PLXNA4: variants seen among roughly 807,000 people sequenced by gnomAD.
The protein encoded by PLXNA4 is plexin A4, also known as plexin-A4.
In PLXNA4, 44 loss-of-function variants were observed where a neutral mutation model predicts 191.8. The ratio of observed to expected loss-of-function variants is 0.23; its 90% CI spans 0.18 to 0.29. The LOEUF is 0.29. PLXNA4 is among the 10% of genes least tolerant of loss of function. PLXNA4 has a pLI of 1.00. For missense variants in PLXNA4, 1,800 were observed against 2,488.8 expected, an observed-to-expected ratio of 0.72 and a Z score of 5.89; for synonymous variants, 1,082 against 1,009.5, an observed-to-expected ratio of 1.07 and a Z score of -1.36.
At chr7:132,393,795 T>C (rs890237775) in intron 3 of PLXNA4, among the ~76,000 whole-genome samples, 25 of 152,124 alleles carry the variant, frequency 1.6e-4, no homozygotes, top group Non-Finnish European at 7.4e-5. Context: ...TCAGCCTGGA[T>C]GAAACTAGCA....
At chr7:132,247,318 G>A (rs1287453605) in intron 4 of PLXNA4, among the ~76,000 whole-genome samples, 1 of 152,124 alleles carries the variant, frequency 6.6e-6, no homozygotes, top group Non-Finnish European at 1.5e-5. Flanking sequence ...CTAATGCAAC[G>A]ATGGCTACAC....
chr7:132,159,884 G>C (rs555150037), intron 24 of PLXNA4, among the ~76,000 whole-genome samples: 18 of 152,330 alleles, frequency 1.2e-4, no homozygotes, highest in African/African-American at 3.8e-4. Context: ...CTCCCTGTCA[G>C]AACAAACTTC....
intron 3 of PLXNA4, among the ~76,000 whole-genome samples, chr7:132,311,202 G>GTGTGTGC (rs1554411105): frequency 6.6e-6 from 1 of 151,068 alleles, no homozygotes; most frequent in African/African-American, 2.4e-5. Flanking sequence ...GTGCGCGTGT[G>GTGTGTGC]GCCTAAAGGA....
chr7:132,571,328 G>C (rs757957491), intron 1 of PLXNA4, among the ~76,000 whole-genome samples: 1 of 152,098 alleles, frequency 6.6e-6, no homozygotes, highest in Non-Finnish European at 1.5e-5. Context: ...ATGCAAATGG[G>C]GACCTATCAA....
In PLXNA4 at chr7:132,408,685, C is replaced by T. The variant is rs988610663; in HGVS notation, c.1371+80607G>A. Among the ~76,000 whole-genome samples, 4 of 152,162 alleles carry T rather than the reference C, an allele frequency of 2.6e-5. No homozygotes were observed. The East Asian group carries it at 7.7e-4, about 29-fold the overall frequency. ...TTCGCCATGCTGGCCAGGCTGGTCT[C>T]GAACTCCTGACCTCAAGTGATCCAC... is the stretch of plus-strand genomic sequence containing the variant. On this transcript the variant is annotated intron_variant, in intron 3 of 31. Transcript: ENST00000321063.
intron 1 of PLXNA4, among the ~76,000 whole-genome samples, chr7:132,549,554 A>G (rs1014391138): frequency 6.6e-6 from 1 of 152,196 alleles, no homozygotes; most frequent in Admixed American, 6.5e-5. Context: ...AGCTGGAACC[A>G]TCAATGCAGG....
At chr7:132,186,636 G>A (rs985163147) in intron 15 of PLXNA4, among the ~76,000 whole-genome samples, 7 of 152,148 alleles carry the variant, frequency 4.6e-5, no homozygotes, top group Non-Finnish European at 1.0e-4. Flanking sequence ...AAAAAGTGTG[G>A]CACCTGTGCA....
chr7:132,145,231 G>T lies in PLXNA4; in HGVS notation c.5113C>A (p.Arg1705Ser). The T allele has an allele frequency of 6.2e-7, 1 of 1,614,204 alleles. No homozygotes were observed. The highest frequency in any genetic ancestry group is 8.5e-7 in the Non-Finnish European group (1 of 1,180,024). The stretch of plus-strand genomic sequence containing the variant: ...ATGGCCAGGGGCAGGGCAGAGCCAC[G>T]GTGTGCCGTGCTGAAGATGGTCTCA... ...LFETIFSTAH[R>S]GSALPLAIKY... is the part of the protein sequence containing the mutation. The change falls in exon 29 of 32, where the codon CGT (arginine) becomes AGT (serine). Residue 1705 changes from arginine to serine, a missense_variant. Physicochemically the swap from Arg to Ser is moderately radical, Grantham distance 110. Transcript: ENST00000321063.
chr7:132,548,333 C>T (rs187314320), intron 1 of PLXNA4, among the ~76,000 whole-genome samples: 1 of 152,242 alleles, frequency 6.6e-6, no homozygotes, highest in East Asian at 1.9e-4. Context: ...GCAGATGAGG[C>T]TAGGGCAATT....
At chr7:132,499,037 T>C (rs1025269591) in intron 2 of PLXNA4, among the ~76,000 whole-genome samples, 2 of 152,236 alleles carry the variant, frequency 1.3e-5, no homozygotes, top group South Asian at 2.1e-4. Context: ...AGGGAACTAA[T>C]GTCACTAAAT....
intron 21 of PLXNA4, among the ~76,000 whole-genome samples, chr7:132,172,672 G>A (rs1796325080): frequency 6.6e-6 from 1 of 152,226 alleles, no homozygotes; most frequent in South Asian, 2.1e-4. Context: ...CCCGGCTAAT[G>A]CGGGCCAGTA....
chr7:132,474,093 T>G (rs1797031718), intron 3 of PLXNA4, among the ~76,000 whole-genome samples: 1 of 151,426 alleles, frequency 6.6e-6, no homozygotes, highest in African/African-American at 2.4e-5. Context: ...AATAAACACC[T>G]AGAAGGCGGC....
rs994075270 is a variant in PLXNA4 at position 132,189,065 on chromosome 7, A to G, written c.2857-1458T>C. The stretch of plus-strand genomic sequence containing the variant: ...GAGAGAGAGAGAGAGAGAGAGAGAG[A>G]GAAGATTGTGCACACAGGCTTCGAT... On this transcript the variant is annotated intron_variant, in intron 14 of 31. Coordinates refer to ENST00000321063, the MANE Select transcript of PLXNA4 (RefSeq NM_020911.2). Among the ~76,000 whole-genome samples the G allele has an allele frequency of 1.6e-3, 212 of 135,312 alleles. 2 individuals are homozygous for G. Among genetic ancestry groups the G allele is most frequent in the Non-Finnish European group, 2.1e-3 (132 of 62,348 alleles). The allele number at this position is 135,312 out of a possible 152,430, so 88.8% of individuals were successfully genotyped here.
intron 3 of PLXNA4, among the ~76,000 whole-genome samples, chr7:132,439,629 C>A (rs1795612835): frequency 6.6e-6 from 1 of 152,150 alleles, no homozygotes; most frequent in Admixed American, 6.5e-5. Context: ...GCTCAAATAG[C>A]TTTTGGAACC....
chr7:132,512,599 G>C (rs78077153), intron 1 of PLXNA4, among the ~76,000 whole-genome samples: 2,433 of 152,208 alleles, frequency 0.016, 65 homozygotes, highest in African/African-American at 0.055. Flanking sequence ...AGAGAAAAGG[G>C]GAAAATAAGG....
intron 7 of PLXNA4, among the ~76,000 whole-genome samples, chr7:132,226,472 C>A (rs12111855): frequency 0.14 from 21,399 of 152,248 alleles, 1,597 homozygotes; most frequent in Middle Eastern, 0.17. Flanking sequence ...CGTATCACTT[C>A]CACTCTTCCA....
chr7:132,339,870 C>G (rs1802958168), intron 3 of PLXNA4, among the ~76,000 whole-genome samples: 1 of 152,130 alleles, frequency 6.6e-6, no homozygotes, highest in African/African-American at 2.4e-5. Context: ...AAAAAGGCCT[C>G]TAAGGGTTCT....
chr7:132,273,663 G>C (rs190405914), intron 4 of PLXNA4, among the ~76,000 whole-genome samples: 1 of 152,190 alleles, frequency 6.6e-6, no homozygotes, highest in African/African-American at 2.4e-5. Context: ...CTCCCTACTT[G>C]AGTTTCCTCT....
At chr7:132,599,173 G>A (rs1802771824) in intron 2 of PLXNA4, among the ~76,000 whole-genome samples, 1 of 152,130 alleles carries the variant, frequency 6.6e-6, no homozygotes, top group Non-Finnish European at 1.5e-5. Context: ...AAGTCTGGAA[G>A]GGTAGGTCCC....
Sources: allele counts gnomAD v4.1 joint callset (sites outside exome capture counted in the v4.1 genomes callset), GRCh38; gene constraint gnomAD v4.1.1; transcripts MANE v1.5; gene names NCBI Gene and HGNC (gene_info 2026-07-23, HGNC 2026-07-21).